COL18A1: variants seen among roughly 807,000 people sequenced by gnomAD.
COL18A1 encodes the protein collagen alpha-1(XVIII) chain.
Under a neutral mutation model 168.0 loss-of-function variants are expected in COL18A1, and 133 were observed. That is an observed-to-expected ratio of 0.79 (90% CI 0.69 to 0.91). COL18A1 has a LOEUF of 0.91. Ranked by LOEUF, COL18A1 falls within the 40% of genes least tolerant of loss-of-function variation. The pLI is 0.00. For synonymous variants in COL18A1, 949 were observed against 809.0 expected, an observed-to-expected ratio of 1.17 and a Z score of -2.94; for missense variants, 2,126 against 1,925.4, an observed-to-expected ratio of 1.10 and a Z score of -1.95.
At chr21:45,453,934 G>T (rs1360989401) in intron 2 of COL18A1, among the ~76,000 whole-genome samples, 2 of 152,246 alleles carry the variant, frequency 1.3e-5, no homozygotes, top group Non-Finnish European at 2.9e-5. Flanking sequence ...TCGGGATGGG[G>T]CTGGGGGTGT....
chr21:45,439,788 C>A (rs1024166776), intron 2 of COL18A1, among the ~76,000 whole-genome samples: 1 of 152,236 alleles, frequency 6.6e-6, no homozygotes, highest in Non-Finnish European at 1.5e-5. Flanking sequence ...CAGAGCCTGG[C>A]CTCTAAGATG....
At position 45,498,470 on chromosome 21, in the gene COL18A1, C is replaced by T. The variant is rs947469306; in HGVS notation, c.2683+809C>T. 5.7e-6 allele frequency: 4 copies of T among 706,030 alleles called. No individual in the cohort carries two copies. Among genetic ancestry groups the T allele is most frequent in the African/African-American group, 1.8e-5 (1 of 56,860 alleles). The allele number at this position is 706,030 out of a possible 1,614,324, so 43.7% of individuals were successfully genotyped here. A position where few individuals can be genotyped will look rare whatever the true frequency, so the allele number is the denominator to read the frequency against. On this transcript the variant is annotated intron_variant, in intron 32 of 41. Coordinates refer to ENST00000651438, the MANE Select transcript of COL18A1 (RefSeq NM_001379500.1). This position sits in a 1 kb window ranked among gnomAD's most constrained non-coding sequence, Gnocchi z 4.5. The stretch of plus-strand genomic sequence containing the variant: ...AGGGTCCCCTCTCGCCGCCACGGTC[C>T]CCGCTCGCCGCCAGGGTCCCCTCTC...
chr21:45,455,942 G>A, intron 2 of COL18A1: 5 of 1,613,086 alleles, frequency 3.1e-6, no homozygotes, highest in Admixed American at 1.7e-5. Context: ...TGAGAGCTTG[G>A]CCAGGGCGGA....
At chr21:45,478,191 C>T (rs777772395) in intron 8 of COL18A1, 136 bp from the exon 9 acceptor site, 5 of 1,153,960 alleles carry the variant, frequency 4.3e-6, no homozygotes, top group East Asian at 2.4e-5. Flanking sequence ...GCTCCTGGCG[C>T]GGGTGCGAGG....
In COL18A1 at chr21:45,497,507, C is replaced by T. The variant is rs566297627; in HGVS notation, c.2621-92C>T. The T allele has an allele frequency of 7.8e-4, 1,175 of 1,504,234 alleles. No individual in the cohort carries two copies. The Middle Eastern group carries it at 0.011, about 14-fold the overall frequency. 93.2% of individuals were successfully genotyped at this position (1,504,234 alleles called of 1,614,324 possible). A position where few individuals can be genotyped will look rare whatever the true frequency, so the allele number is the denominator to read the frequency against. On this transcript the variant is annotated intron_variant, in intron 31 of 41. Transcript: ENST00000651438. Reference sequence around the variant, plus strand: ...CATCTGATGCCCCCCCATCCAGGCCCCCAGGCACTAGGGCATTTCGGGCAG... The same window carrying T: ...CATCTGATGCCCCCCCATCCAGGCCTCCAGGCACTAGGGCATTTCGGGCAG...
chr21:45,467,104 CTG>C (rs1414716134), intron 2 of COL18A1, among the ~76,000 whole-genome samples: 12 of 152,244 alleles, frequency 7.9e-5, no homozygotes, highest in African/African-American at 2.4e-4. Context: ...CTGGCCCAGA[CTG>C]TGGCTGCAAA....
In COL18A1 at chr21:45,496,757, C is replaced by T. The variant is rs879154954; in HGVS notation, c.2577+189C>T. On this transcript the variant is annotated intron_variant, in intron 30 of 41. Transcript: ENST00000651438. ...GTGAAGGCCTGGGAAAGGGAGGGCT[C>T]TCTGGGTGTGGAGCTGCTTCCAGCT... Among the ~76,000 whole-genome samples the T allele has an allele frequency of 2.0e-5, 3 of 152,348 alleles. No individual in the cohort carries two copies. The South Asian group carries it at 6.2e-4, about 32-fold the overall frequency.
In COL18A1 at chr21:45,423,144, A is replaced by ACTTCTC. The variant is rs2123554960; in HGVS notation, c.106+17679_106+17684dup. On this transcript the variant is annotated intron_variant, in intron 2 of 41. Coordinates refer to ENST00000651438, the MANE Select transcript of COL18A1 (RefSeq NM_001379500.1). This position sits in a 1 kb window ranked among gnomAD's most constrained non-coding sequence, Gnocchi z 4.0. ...GGTTTTAATGTCCCCACTTTTGACC[A>ACTTCTC]CTTCTCCTTCTCCATAGGGCAAATC... is the stretch of plus-strand genomic sequence containing the variant. Among the ~76,000 whole-genome samples the ACTTCTC allele has an allele frequency of 6.6e-6, 1 of 152,162 alleles. No homozygotes were observed. Among genetic ancestry groups the ACTTCTC allele is most frequent in the Admixed American group, 6.5e-5 (1 of 15,282 alleles).
At chr21:45,479,205 C>T (rs9977482) in intron 9 of COL18A1, among the ~76,000 whole-genome samples, 29,178 of 152,014 alleles carry the variant, frequency 0.19, 2,975 homozygotes, top group Middle Eastern at 0.26. Flanking sequence ...AGGATCCACA[C>T]GTACACATAC....
At chr21:45,465,180 C>A (rs545264097) in intron 2 of COL18A1, among the ~76,000 whole-genome samples, 2 of 152,354 alleles carry the variant, frequency 1.3e-5, no homozygotes, top group African/African-American at 4.8e-5. Context: ...CCTGCAGACA[C>A]CTGCTCAGCC....
rs886714384 is a variant in COL18A1 at position 45,490,734 on chromosome 21, G to A, written c.2032-102G>A. On this transcript the variant is annotated intron_variant, in intron 20 of 41. Coordinates refer to ENST00000651438, the MANE Select transcript of COL18A1 (RefSeq NM_001379500.1). Reference sequence around the variant, plus strand: ...CCTCCCTCCCAGGCCCCAGCCGGTCGGGAAATAAAGAACCCCACATCTTCA... The same window carrying A: ...CCTCCCTCCCAGGCCCCAGCCGGTCAGGAAATAAAGAACCCCACATCTTCA... 13 of 1,288,944 alleles carry A rather than the reference G, an allele frequency of 1.0e-5. No individual in the cohort carries two copies. In the Admixed American group the frequency reaches 1.2e-4, roughly 12 times the overall value. The allele number at this position is 1,288,944 out of a possible 1,614,324, so 79.8% of individuals were successfully genotyped here.
At chr21:45,411,759 C>CG (rs1437966551) in intron 2 of COL18A1, among the ~76,000 whole-genome samples, 4 of 7,578 alleles carry the variant, frequency 5.3e-4, no homozygotes, top group South Asian at 2.8e-3. Flanking sequence ...GGGCTGATGG[C>CG]GGGGGGTGGG....
At chr21:45,439,633 C>G (rs190240812) in intron 2 of COL18A1, among the ~76,000 whole-genome samples, 2 of 152,326 alleles carry the variant, frequency 1.3e-5, no homozygotes, top group South Asian at 2.1e-4. Context: ...TGGGCCAAGT[C>G]CTGTGCGCGG....
In COL18A1 at chr21:45,512,427, G is replaced by A. The variant is rs371710532; in HGVS notation, c.*29G>A. The A allele has an allele frequency of 1.2e-6, 2 of 1,602,992 alleles. No homozygotes were observed. Among genetic ancestry groups the A allele is most frequent in the Non-Finnish European group, 8.5e-7 (1 of 1,175,500 alleles). On this transcript the variant is annotated 3_prime_UTR_variant, in exon 42 of 42. Coordinates refer to ENST00000651438, the MANE Select transcript of COL18A1 (RefSeq NM_001379500.1). ...CCGCCTGGATGCGGATGGCCGGAGA[G>A]GACCGGCGGCTCGGAGGAAGCCCCC...
chr21:45,501,798 C>G (rs1331101733), intron 32 of COL18A1, among the ~76,000 whole-genome samples: 1 of 52,884 alleles, frequency 1.9e-5, no homozygotes. Context: ...AGCCGGTCAC[C>G]TCTCTCTGCA....
At chr21:45,496,631 AG>A (rs2146009992) in intron 30 of COL18A1, 63 bp downstream of exon 30, 1 of 836,138 alleles carries the variant, frequency 1.2e-6, no homozygotes, top group Admixed American at 1.7e-5. Flanking sequence ...AGCCCCACAG[AG>A]GGGCTGGGCC....
At chr21:45,446,454 A>G (rs1022335972) in intron 2 of COL18A1, among the ~76,000 whole-genome samples, 5 of 152,270 alleles carry the variant, frequency 3.3e-5, no homozygotes, top group African/African-American at 1.2e-4. Flanking sequence ...AAACTGATTC[A>G]ACAAGAAATA....
intron 32 of COL18A1, among the ~76,000 whole-genome samples, chr21:45,501,268 G>A (rs1164622552): frequency 1.3e-5 from 2 of 152,046 alleles, no homozygotes; most frequent in East Asian, 3.8e-4. Flanking sequence ...GTGAAAAATT[G>A]GCAAAGTGAA....
At chr21:45,479,803 C>T (rs2035828907) in intron 9 of COL18A1, 99 bp from the exon 10 acceptor site, 1 of 1,534,858 alleles carries the variant, frequency 6.5e-7, no homozygotes, top group South Asian at 1.2e-5. Context: ...AAGGGCTCAG[C>T]TCCCGTCCGT....
Sources: allele counts gnomAD v4.1 joint callset (sites outside exome capture counted in the v4.1 genomes callset), GRCh38; gene constraint gnomAD v4.1.1; non-coding constraint Gnocchi (gnomAD v3.1); transcripts MANE v1.5; gene names NCBI Gene and HGNC (gene_info 2026-07-23, HGNC 2026-07-21).